The following INPP4B variants were observed in gnomAD, a reference collection of about 807,000 sequenced individuals.
INPP4B encodes the protein inositol polyphosphate 4-phosphatase type II.
INPP4B carries 55 observed loss-of-function variants against 122.5 expected under a neutral mutation model. That is an observed-to-expected ratio of 0.45 (90% CI 0.36 to 0.56). The LOEUF (loss-of-function observed/expected upper bound fraction) is 0.56, where lower values mean the gene tolerates loss of function less well. Ranked by LOEUF, INPP4B falls within the 20% of genes least tolerant of loss-of-function variation. INPP4B has a pLI of 0.00. For synonymous variants in INPP4B, 403 were observed against 388.7 expected (o/e 1.04, Z -0.43); for missense variants, 1,000 against 1,097.7 (o/e 0.91, Z 1.26).
chr4:142,023,627 A>G lies in INPP4B; in HGVS notation c.*5155T>C, dbSNP rs950670927. ...AAAATTTGAGTCAATGTTACCTGTG[A>G]GTGCAATAGGTCATCATTGATCGCG... On this transcript the variant is annotated 3_prime_UTR_variant, in exon 26 of 26. Transcript: ENST00000262992. 1 of 152,208 alleles carries G rather than the reference A, an allele frequency of 6.6e-6. No homozygotes were observed. The highest frequency in any genetic ancestry group is 2.4e-5 in the African/African-American group (1 of 41,442). The allele number at this position is 152,208 out of a possible 1,614,324, so 9.4% of individuals were successfully genotyped here.
intron 1 of INPP4B, among the ~76,000 whole-genome samples, chr4:142,767,172 A>T (rs1318985559): frequency 6.6e-6 from 1 of 152,170 alleles, no homozygotes; most frequent in African/African-American, 2.4e-5. Flanking sequence ...GGAAGTTACA[A>T]TACTTTAATG....
intron 25 of INPP4B, among the ~76,000 whole-genome samples, chr4:142,048,473 G>A (rs1363590449): frequency 6.6e-6 from 1 of 151,944 alleles, no homozygotes; most frequent in African/African-American, 2.4e-5. Flanking sequence ...GGATTTACAT[G>A]GAAGGATGGA....
intron 2 of INPP4B, 85 bp downstream of exon 2, chr4:142,725,754 T>C (rs567788595): frequency 5.1e-6 from 2 of 395,232 alleles, no homozygotes; most frequent in East Asian, 3.6e-5. Flanking sequence ...TAATTCAATA[T>C]CTAAAACGAA....
chr4:142,227,443 CA>C (rs1012007958), intron 12 of INPP4B, among the ~76,000 whole-genome samples: 1 of 150,768 alleles, frequency 6.6e-6, no homozygotes, highest in African/African-American at 2.4e-5. Flanking sequence ...GTATAAATAA[CA>C]AAAAAAGAGA....
chr4:142,783,534 C>T (rs1332563789), intron 1 of INPP4B, among the ~76,000 whole-genome samples: 1 of 152,036 alleles, frequency 6.6e-6, no homozygotes, highest in African/African-American at 2.4e-5. Context: ...TTTTTATTGA[C>T]CTGGCTTCCT....
At chr4:142,246,018 G>A (rs1728334813) in intron 11 of INPP4B, among the ~76,000 whole-genome samples, 20 of 140,318 alleles carry the variant, frequency 1.4e-4, no homozygotes, top group African/African-American at 4.5e-4. Flanking sequence ...ACACACATGT[G>A]TGTATGTACA....
intron 18 of INPP4B, among the ~76,000 whole-genome samples, chr4:142,126,387 T>C (rs184768078): frequency 2.0e-5 from 3 of 152,234 alleles, no homozygotes; most frequent in African/African-American, 7.2e-5. Flanking sequence ...GTACCATGTC[T>C]ACTGTCACTT....
intron 1 of INPP4B, among the ~76,000 whole-genome samples, chr4:142,816,568 A>T (rs1194918328): frequency 4.0e-5 from 6 of 149,554 alleles, no homozygotes; most frequent in Middle Eastern, 3.4e-3. Flanking sequence ...TAAAAAAAAC[A>T]AATAATAACA....
chr4:142,331,709 G>A (rs552267537), intron 7 of INPP4B, among the ~76,000 whole-genome samples: 5 of 152,234 alleles, frequency 3.3e-5, no homozygotes, highest in African/African-American at 7.2e-5. Context: ...AAAGATGCAC[G>A]CCAAGAATCT....
chr4:142,839,899 T>C (rs1357258298), intron 1 of INPP4B, among the ~76,000 whole-genome samples: 1 of 152,238 alleles, frequency 6.6e-6, no homozygotes, highest in Admixed American at 6.5e-5. Context: ...ATTCTTACAA[T>C]AGCCACATCC....
chr4:142,711,116 T>C (rs906850671), intron 2 of INPP4B, among the ~76,000 whole-genome samples: 4 of 152,210 alleles, frequency 2.6e-5, no homozygotes, highest in Non-Finnish European at 5.9e-5. Context: ...TTGTCAAAAG[T>C]AGCTAGAATG....
At chr4:142,110,402 C>A (rs1040533387) in intron 22 of INPP4B, among the ~76,000 whole-genome samples, 6 of 151,992 alleles carry the variant, frequency 3.9e-5, no homozygotes, top group Admixed American at 3.9e-4. Flanking sequence ...TTACAGCAGC[C>A]CAAGCAGACT....
rs116932715 is a variant in INPP4B, at chr4:142,696,943, C to A, written c.-191+28896G>T. On this transcript the variant is annotated intron_variant, in intron 2 of 25. Coordinates refer to ENST00000262992, the MANE Select transcript of INPP4B (RefSeq NM_001101669.3). ...AAACCACAGTGTGCAGCCCCGCACA[C>A]TCCACTGTATGTGTTTATTCTTAGA... 1.3e-3 allele frequency among the ~76,000 whole-genome samples: 203 copies of A among 152,320 alleles called. 2 individuals are homozygous for A. Among genetic ancestry groups the A allele is most frequent in the East Asian group, 7.7e-3 (40 of 5,190 alleles).
intron 25 of INPP4B, among the ~76,000 whole-genome samples, chr4:142,063,495 T>C (rs28682932): frequency 0.026 from 3,889 of 152,234 alleles, 185 homozygotes; most frequent in African/African-American, 0.089. Flanking sequence ...TAAATTGAAA[T>C]TTTGCTTCCA....
At chr4:142,119,796 T>TACAC (rs34897089) in intron 21 of INPP4B, among the ~76,000 whole-genome samples, 10 of 148,470 alleles carry the variant, frequency 6.7e-5, no homozygotes, top group African/African-American at 2.5e-4. Context: ...AAAGTATATA[T>TACAC]ACACACACAC....
intron 2 of INPP4B, among the ~76,000 whole-genome samples, chr4:142,557,893 GT>G (rs760195608): frequency 9.9e-5 from 15 of 152,050 alleles, no homozygotes; most frequent in Non-Finnish European, 1.6e-4. Context: ...CCCCTTCTAC[GT>G]TCTGGTTCTG....
intron 2 of INPP4B, among the ~76,000 whole-genome samples, chr4:142,655,188 C>T (rs1753896115): frequency 6.6e-6 from 1 of 152,108 alleles, no homozygotes; most frequent in Non-Finnish European, 1.5e-5. Flanking sequence ...TTTATTATTG[C>T]TGTATAGCAT....
At chr4:142,291,769 A>G (rs1474287594) in intron 9 of INPP4B, among the ~76,000 whole-genome samples, 1 of 152,216 alleles carries the variant, frequency 6.6e-6, no homozygotes, top group Non-Finnish European at 1.5e-5. Flanking sequence ...TAAGGTATAA[A>G]AAAAGAAAAA....
chr4:142,073,926 C>T (rs910155222), intron 25 of INPP4B, among the ~76,000 whole-genome samples: 10 of 151,972 alleles, frequency 6.6e-5, no homozygotes, highest in African/African-American at 2.4e-4. Context: ...TCAATCATCT[C>T]TCTAATCAAC....
Sources: allele counts gnomAD v4.1 joint callset (sites outside exome capture counted in the v4.1 genomes callset), GRCh38; gene constraint gnomAD v4.1.1; transcripts MANE v1.5; gene names NCBI Gene and HGNC (gene_info 2026-07-23, HGNC 2026-07-21).